Variants in FLNC observed in about 807,000 individuals in gnomAD.
FLNC encodes filamin-C.
Under a neutral mutation model 254.3 loss-of-function variants are expected in FLNC, and 91 were observed. The observed-to-expected ratio is 0.36, with a 90% confidence interval of 0.30 to 0.43. FLNC has a LOEUF of 0.43. Among genes scored for constraint, FLNC ranks in the 20% least tolerant of loss-of-function variants. The pLI is 1.00. For synonymous variants in FLNC, 1,430 were observed against 1,577.2 expected (o/e 0.91, Z 2.21); for missense variants, 2,853 against 3,802.6 (o/e 0.75, Z 6.57).
At chr7:128,838,157 C>T in intron 6 of FLNC, 93 bp downstream of exon 6, 3 of 1,485,176 alleles carry the variant, frequency 2.0e-6, no homozygotes, top group Non-Finnish European at 2.8e-6. Context: ...CTCGCGCCTG[C>T]CCAGAGCCCC....
intron 26 of FLNC, 35 bp from the exon 27 acceptor site, chr7:128,848,526 A>T: frequency 6.2e-7 from 1 of 1,610,838 alleles, no homozygotes; most frequent in Non-Finnish European, 8.5e-7. Flanking sequence ...CGTCCATGCC[A>T]CCCAGCCAAC....
At chr7:128,850,653 C>A in intron 32 of FLNC, 150 bp from the exon 33 acceptor site, 1 of 1,323,004 alleles carries the variant, frequency 7.6e-7, no homozygotes, top group Non-Finnish European at 1.1e-6. Flanking sequence ...CCATCTGTCC[C>A]CAGTTCAGGG....
rs765967888 is a variant in FLNC at position 128,857,222 on chromosome 7, C to T, written c.7666C>T (p.Pro2556Ser). 20 of 1,613,964 alleles carry T rather than the reference C, an allele frequency of 1.2e-5. No individual in the cohort carries two copies. The South Asian group carries it at 2.2e-4, about 18-fold the overall frequency. ...SKVQLDCREC[P>S]EGHVVTYTPM... ...GGTGCAGCTGGACTGTCGGGAGTGT[C>T]CTGAGGGCCATGTGGTCACTTATAC... The change falls in exon 46 of 48, where the codon CCT becomes TCT. Residue 2556 changes from proline (P) to serine (S), a missense_variant. By Grantham distance (74) the Pro-to-Ser change is moderately conservative (BLOSUM62 -1). Coordinates refer to ENST00000325888, the MANE Select transcript of FLNC (RefSeq NM_001458.5). The surrounding 1 kb of genome is among the most constrained non-coding windows in gnomAD (Gnocchi z 4.5).
At chr7:128,833,530 A>C (rs1210759253) in intron 1 of FLNC, among the ~76,000 whole-genome samples, 1 of 152,056 alleles carries the variant, frequency 6.6e-6, no homozygotes. Context: ...CCAAGCCTGG[A>C]CCACTTGCTG....
intron 8 of FLNC, 130 bp from the exon 9 acceptor site, chr7:128,839,893 G>A: frequency 8.5e-7 from 1 of 1,175,886 alleles, no homozygotes; most frequent in Admixed American, 1.9e-5. Context: ...GGGACACAAA[G>A]GGCTCCAGAG....
intron 1 of FLNC, among the ~76,000 whole-genome samples, chr7:128,834,322 C>G (rs557590241): frequency 4.0e-5 from 6 of 149,244 alleles, no homozygotes; most frequent in Non-Finnish European, 8.9e-5. Context: ...CCCCCCCCCC[C>G]CAAATCTTGA....
rs182785621 is a variant in FLNC, at chr7:128,842,415, C to A, written c.2265+41C>A. On this transcript the variant is annotated intron_variant, in intron 14 of 47. Transcript: ENST00000325888. The surrounding 1 kb of genome is among the most constrained non-coding windows in gnomAD (Gnocchi z 5.4). Reference sequence around the variant, plus strand: ...CTGCCCCGTGCCCACCACCAGGGGTCCCTGAGGGAGGGCGGAACCCTCGCT... The same window carrying A: ...CTGCCCCGTGCCCACCACCAGGGGTACCTGAGGGAGGGCGGAACCCTCGCT... The A allele has an allele frequency of 5.0e-4, 808 of 1,612,776 alleles. 1 individual carries two copies. Among genetic ancestry groups the A allele is most frequent in the African/African-American group, 4.3e-3 (321 of 75,038 alleles).
chr7:128,839,251 C>T (rs1408063734), intron 8 of FLNC, among the ~76,000 whole-genome samples: 1 of 152,240 alleles, frequency 6.6e-6, no homozygotes, highest in African/African-American at 2.4e-5. Flanking sequence ...CCCCCCCTTC[C>T]TTGGCATTCT....
chr7:128,838,760 T>A lies in FLNC; in HGVS notation c.1368T>A (p.Gly456=). The part of the protein sequence containing the change: ...GPHTVHVAFA[G]APITRSPFPV... ...ATACCGTGCATGTGGCCTTTGCGGG[T>A]GCCCCCATCACCCGCAGTCCCTTCC... The change falls in exon 8 of 48, where the codon GGT becomes GGA. Residue 456 remains glycine, a synonymous_variant. Transcript: ENST00000325888. 1 of 1,612,850 alleles carries A rather than the reference T, an allele frequency of 6.2e-7. No individual in the cohort carries two copies.
In FLNC at chr7:128,855,099, G is replaced by A. The variant is rs377607912; in HGVS notation, c.7136-100G>A. ...CATGTGTCTGCCTCCAGATCTGAGC[G>A]CTGACCACAGAGCCTTTCCTGGGAT... On this transcript the variant is annotated intron_variant, in intron 42 of 47. Coordinates refer to ENST00000325888, the MANE Select transcript of FLNC (RefSeq NM_001458.5). 2.7e-4 allele frequency: 290 copies of A among 1,076,038 alleles called. 1 individual carries two copies. The African/African-American group carries it at 3.7e-3, about 14-fold the overall frequency. 66.7% of individuals were successfully genotyped at this position (1,076,038 alleles called of 1,614,324 possible). A position where few individuals can be genotyped will look rare whatever the true frequency, so the allele number is the denominator to read the frequency against.
Position 128,830,515 on chromosome 7 carries a change from G to A in FLNC, c.-123G>A. 1.2e-6 allele frequency: 1 copy of A among 816,950 alleles called. No individual in the cohort carries two copies. Among genetic ancestry groups the A allele is most frequent in the South Asian group, 1.7e-5 (1 of 58,248 alleles). 50.6% of individuals were successfully genotyped at this position (816,950 alleles called of 1,614,324 possible). ...GAGCCCCGCCAGCCCCGGCGCGAGAGAAGTTGGAGAGGAGAGCAGCGCAGC... is the reference window on the plus strand; with the variant it reads ...GAGCCCCGCCAGCCCCGGCGCGAGAAAAGTTGGAGAGGAGAGCAGCGCAGC... On this transcript the variant is annotated 5_prime_UTR_variant, in exon 1 of 48. Transcript: ENST00000325888.
chr7:128,834,612 G>C (rs920519013), intron 1 of FLNC, among the ~76,000 whole-genome samples: 7 of 152,002 alleles, frequency 4.6e-5, no homozygotes, highest in African/African-American at 1.7e-4. Flanking sequence ...TATTTATTGA[G>C]ACCTTACTAT....
chr7:128,846,777 T>C lies in FLNC; in HGVS notation c.4160T>C (p.Ile1387Thr). The change falls in exon 24 of 48, where the codon ATC becomes ACC. Residue 1387 changes from isoleucine to threonine, a missense_variant. By Grantham distance (89) the Ile-to-Thr change is moderately conservative (BLOSUM62 -1). Transcript: ENST00000325888. ...GAGTGGLGLA[I>T]EGPSEAKMSC... Reference sequence around the variant, plus strand: ...GGCACCGGGGGCCTTGGCCTAGCCATCGAGGGTCCCTCGGAAGCCAAGATG... The same window carrying C: ...GGCACCGGGGGCCTTGGCCTAGCCACCGAGGGTCCCTCGGAAGCCAAGATG... 6.2e-7 allele frequency: 1 copy of C among 1,614,162 alleles called. No individual in the cohort carries two copies. Among genetic ancestry groups the C allele is most frequent in the Non-Finnish European group, 8.5e-7 (1 of 1,180,014 alleles).
Position 128,848,687 on chromosome 7 carries a change from G to A in FLNC, c.4707G>A (p.Ala1569=), listed in dbSNP as rs541323590. The A allele has an allele frequency of 8.1e-6, 13 of 1,613,318 alleles. No individual in the cohort carries two copies. The highest frequency in any genetic ancestry group is 2.7e-5 in the African/African-American group (2 of 75,034). The change falls in exon 27 of 48, where the codon GCG becomes GCA. Residue 1569 remains alanine (A), a synonymous_variant. Coordinates refer to ENST00000325888, the MANE Select transcript of FLNC (RefSeq NM_001458.5). ...AGTTCACCATCGACGCACGGGACGC[G>A]GGCGAGGGGTTGCTCACTGTCCAGA... The part of the protein sequence containing the change: ...PVEFTIDARD[A]GEGLLTVQIL...
rs375366821 is a variant in FLNC at position 128,846,836 on chromosome 7, G to A, written c.4219G>A (p.Val1407Met). The change falls in exon 24 of 48, where the codon GTG becomes ATG. Residue 1407 changes from valine (V) to methionine (M), a missense_variant. Physicochemically the swap from Val to Met is conservative, Grantham distance 21 (BLOSUM62 1). Around this residue, in one of 10 missense-constraint regions of FLNC, gnomAD observed 1,573 missense variants for 1,883.5 expected, o/e 0.84. Coordinates refer to ENST00000325888, the MANE Select transcript of FLNC (RefSeq NM_001458.5). ...CKDNKDGSCT[V>M]EYIPFTPGDY... ...GGACAACAAGGATGGTAGCTGCACC[G>A]TGGAGTACATCCCCTTCACTCCTGG... is the stretch of plus-strand genomic sequence containing the variant. 3.7e-6 allele frequency: 6 copies of A among 1,614,230 alleles called. No homozygotes were observed. The highest frequency in any genetic ancestry group is 2.2e-5 in the South Asian group (2 of 91,090).
rs538733304 is a variant in FLNC at position 128,846,371 on chromosome 7, C to T, written c.4035C>T (p.Thr1345=). 27 of 1,612,906 alleles carry T rather than the reference C, an allele frequency of 1.7e-5. No homozygotes were observed. The highest frequency in any genetic ancestry group is 8.9e-5 in the East Asian group (4 of 44,878). Reference sequence around the variant, plus strand: ...AGAGCCCCTTCCGAGTGGGCGTGACCGAGGGCTGTGATCCCACCCGCGTCC... The same window carrying T: ...AGAGCCCCTTCCGAGTGGGCGTGACTGAGGGCTGTGATCCCACCCGCGTCC... ...VPKSPFRVGV[T]EGCDPTRVRA... is the part of the protein sequence containing the mutation. The change falls in exon 23 of 48, where the codon ACC becomes ACT. Residue 1345 remains threonine, a synonymous_variant. Transcript: ENST00000325888.
At position 128,849,961 on chromosome 7, in the gene FLNC, G is replaced by A. The variant is rs758002097; in HGVS notation, c.5200-15G>A. 1.3e-6 allele frequency: 2 copies of A among 1,568,980 alleles called. No homozygotes were observed. Among genetic ancestry groups the A allele is most frequent in the East Asian group, 4.5e-5 (2 of 44,088 alleles). On this transcript the variant is annotated splice_polypyrimidine_tract_variant and intron_variant, in intron 30 of 47. Transcript: ENST00000325888. The stretch of plus-strand genomic sequence containing the variant: ...AGGCTGCCACACCCTGTGCCCCCGT[G>A]CCTTGCCTCCCCAGGCGTGTGACCC...
chr7:128,850,692 GAT>G, intron 32 of FLNC, 109 bp from the exon 33 acceptor site: 3 of 1,523,964 alleles, frequency 2.0e-6, no homozygotes, highest in Non-Finnish European at 2.7e-6. Flanking sequence ...GCTGTCTCTT[GAT>G]GCCTGGCTTC....
intron 8 of FLNC, 79 bp from the exon 9 acceptor site, chr7:128,839,944 A>AG: frequency 1.3e-6 from 2 of 1,566,188 alleles, no homozygotes; most frequent in Non-Finnish European, 1.7e-6. Flanking sequence ...AGGGGTTAGA[A>AG]GGACTGTGCA....
Sources: allele counts gnomAD v4.1 joint callset (sites outside exome capture counted in the v4.1 genomes callset), GRCh38; gene constraint gnomAD v4.1.1; regional missense constraint gnomAD v4.1.1; non-coding constraint Gnocchi (gnomAD v3.1); transcripts MANE v1.5; gene names NCBI Gene and HGNC (gene_info 2026-07-23, HGNC 2026-07-21).